OCA2: variants seen among roughly 807,000 people sequenced by gnomAD.
OCA2 encodes OCA2 melanosomal transmembrane protein.
OCA2 carries 77 observed loss-of-function variants against 100.2 expected under a neutral mutation model. That is an observed-to-expected ratio of 0.77 (90% confidence interval 0.64 to 0.93). The LOEUF is 0.93. Ranked by LOEUF, OCA2 falls within the 40% of genes least tolerant of loss-of-function variation. The probability of loss-of-function intolerance (pLI) is 0.00; values close to 1 mark genes in which losing one functional copy is unlikely to be tolerated. For synonymous variants in OCA2, 432 were observed against 439.2 expected, an observed-to-expected ratio of 0.98 and a Z score of 0.21; for missense variants, 1,062 against 1,089.1, an observed-to-expected ratio of 0.98 and a Z score of 0.35.
intron 19 of OCA2, among the ~76,000 whole-genome samples, chr15:27,913,895 G>GAAAGAAAGAAAGAAAGAAAGAAAGAA (rs1567098505): frequency 5.1e-5 from 2 of 38,996 alleles, no homozygotes; most frequent in African/African-American, 2.0e-4. Flanking sequence ...AAGAAAGAAA[G>GAAAGAAAGAAAGAAAGAAAGAAAGAA]CAAGCAAGCA....
intron 2 of OCA2, among the ~76,000 whole-genome samples, chr15:28,074,225 T>A (rs943035253): frequency 1.3e-5 from 2 of 152,154 alleles, no homozygotes; most frequent in Non-Finnish European, 2.9e-5. Context: ...GATAATCACA[T>A]AGACTGATGG....
chr15:28,032,307 G>T, intron 2 of OCA2, 144 bp from the exon 3 acceptor site: 1 of 716,300 alleles, frequency 1.4e-6, no homozygotes, highest in African/African-American at 1.7e-5. Flanking sequence ...TGTCTGAATT[G>T]TAAAAGGCTG....
chr15:27,973,036 T>A (rs1262320206), intron 14 of OCA2, among the ~76,000 whole-genome samples: 1 of 151,676 alleles, frequency 6.6e-6, no homozygotes, highest in Non-Finnish European at 1.5e-5. Flanking sequence ...CAGCTATTTT[T>A]TTATTTTATT....
chr15:27,734,385 A>G, the OCA2 span, among the ~76,000 whole-genome samples: 2 of 151,404 alleles, frequency 1.3e-5, no homozygotes, highest in Non-Finnish European at 2.9e-5. Context: ...ACAGTTTTAC[A>G]TTACCCACAT....
At chr15:27,995,119 A>G (rs953820122) in intron 9 of OCA2, among the ~76,000 whole-genome samples, 3 of 152,184 alleles carry the variant, frequency 2.0e-5, no homozygotes, top group African/African-American at 7.2e-5. Flanking sequence ...GCACCTAAAT[A>G]TGCACAGCAG....
intron 2 of OCA2, among the ~76,000 whole-genome samples, chr15:28,061,975 G>C (rs1189561688): frequency 6.6e-6 from 1 of 152,114 alleles, no homozygotes; most frequent in Non-Finnish European, 1.5e-5. Context: ...ATGAATTGAT[G>C]GGCAATGAGG....
At chr15:28,079,712 C>T (rs1353469933) in intron 2 of OCA2, among the ~76,000 whole-genome samples, 1 of 152,174 alleles carries the variant, frequency 6.6e-6, no homozygotes, top group Non-Finnish European at 1.5e-5. Flanking sequence ...CACCTTCTGG[C>T]ATCTCCACAC....
intron 8 of OCA2, among the ~76,000 whole-genome samples, chr15:28,015,546 G>C (rs2042364432): frequency 6.6e-6 from 1 of 152,128 alleles, no homozygotes; most frequent in Non-Finnish European, 1.5e-5. Context: ...AATCCAGTAG[G>C]ATGGGTGTCC....
At chr15:28,091,910 C>G (rs1027038525) in intron 1 of OCA2, among the ~76,000 whole-genome samples, 1 of 152,056 alleles carries the variant, frequency 6.6e-6, no homozygotes, top group African/African-American at 2.4e-5. Context: ...GAGCTGAGAT[C>G]GTGCCACTGC....
At chr15:27,941,761 C>G (rs1361795664) in intron 18 of OCA2, among the ~76,000 whole-genome samples, 2 of 152,048 alleles carry the variant, frequency 1.3e-5, no homozygotes, top group African/African-American at 4.8e-5. Flanking sequence ...CAAAAATGCT[C>G]CAGAGTTAGG....
intron 9 of OCA2, among the ~76,000 whole-genome samples, chr15:28,004,222 C>T (rs2042019710): frequency 6.8e-6 from 1 of 147,332 alleles, no homozygotes; most frequent in Non-Finnish European, 1.5e-5. Context: ...AAGCTGCCGG[C>T]CCTGGGGTGG....
the OCA2 span, among the ~76,000 whole-genome samples, chr15:27,720,661 G>T: frequency 4.6e-5 from 7 of 151,936 alleles, no homozygotes; most frequent in Non-Finnish European, 7.4e-5. Flanking sequence ...TAGACCAGTG[G>T]TTGGTTGCCT....
At chr15:28,055,611 T>G (rs1221735452) in intron 2 of OCA2, among the ~76,000 whole-genome samples, 1 of 152,230 alleles carries the variant, frequency 6.6e-6, no homozygotes, top group African/African-American at 2.4e-5. Context: ...TGTGGAATGC[T>G]GTGGGGCCTG....
At chr15:28,069,612 CG>C (rs1445478544) in intron 2 of OCA2, among the ~76,000 whole-genome samples, 5 of 141,632 alleles carry the variant, frequency 3.5e-5, no homozygotes, top group African/African-American at 8.6e-5. Context: ...CTGTGTTGGC[CG>C]GGCCGGTCTC....
chr15:27,972,867 TATTTTA>T lies in OCA2; in HGVS notation c.1504-6051_1504-6046del, dbSNP rs1567177338. Among the ~76,000 whole-genome samples, 51 of 53,338 alleles carry T rather than the reference TATTTTA, an allele frequency of 9.6e-4. 1 individual carries two copies. Among genetic ancestry groups the T allele is most frequent in the African/African-American group, 1.9e-3 (51 of 26,204 alleles). The allele number at this position is 53,338 out of a possible 152,430, so 35.0% of individuals were successfully genotyped here. A position where few individuals can be genotyped will look rare whatever the true frequency, so the allele number is the denominator to read the frequency against. On this transcript the variant is annotated intron_variant, in intron 14 of 23. Transcript: ENST00000354638. ...TATTTTATTTTATTTTATTTTATTT[TATTTTA>T]TTTTATTTTTGTGACAGAGTCTCTC...
intron 2 of OCA2, among the ~76,000 whole-genome samples, chr15:28,070,385 A>C (rs2044206643): frequency 8.5e-6 from 1 of 117,318 alleles, no homozygotes. Flanking sequence ...GGCCGCCCCT[A>C]CTGGGAAGTG....
intron 2 of OCA2, among the ~76,000 whole-genome samples, chr15:28,047,023 G>GA (rs894487082): frequency 2.0e-5 from 3 of 152,000 alleles, no homozygotes; most frequent in Non-Finnish European, 2.9e-5. Context: ...TCCCCTCTCC[G>GA]AAAAAAATTT....
At chr15:28,001,697 G>A (rs2041931382) in intron 9 of OCA2, among the ~76,000 whole-genome samples, 1 of 152,254 alleles carries the variant, frequency 6.6e-6, no homozygotes, top group Non-Finnish European at 1.5e-5. Context: ...CAGGAAGGAA[G>A]AGATGAAGGC....
chr15:27,966,959 C>A, intron 14 of OCA2, 137 bp from the exon 15 acceptor site: 1 of 1,001,398 alleles, frequency 1.0e-6, no homozygotes, highest in Non-Finnish European at 1.5e-6. Flanking sequence ...GAAAACCTGT[C>A]TCTACTAAAA....
Sources: allele counts gnomAD v4.1 joint callset (sites outside exome capture counted in the v4.1 genomes callset), GRCh38; gene constraint gnomAD v4.1.1; transcripts MANE v1.5; gene names NCBI Gene and HGNC (gene_info 2026-07-23, HGNC 2026-07-21).